The following GPC5 variants were observed in gnomAD, a reference collection of about 807,000 sequenced individuals.
The protein encoded by GPC5 is glypican 5, also known as glypican-5.
In GPC5, 47 loss-of-function variants were observed where a neutral mutation model predicts 53.9. The ratio of observed to expected loss-of-function variants is 0.87; its 90% CI spans 0.69 to 1.11. The LOEUF (loss-of-function observed/expected upper bound fraction) is 1.11. Among genes scored for constraint, GPC5 ranks in the 50% most tolerant of loss-of-function variants. GPC5 has a pLI of 0.00. For synonymous variants in GPC5, 286 were observed against 263.3 expected (o/e 1.09, Z -0.84); for missense variants, 748 against 713.1 (o/e 1.05, Z -0.56).
chr13:92,639,997 T>TCTCACTCTCC (rs1240092640), intron 7 of GPC5, among the ~76,000 whole-genome samples: 1 of 151,704 alleles, frequency 6.6e-6, no homozygotes, highest in African/African-American at 2.4e-5. Flanking sequence ...TCTCACTCTC[T>TCTCACTCTCC]CTCACTCTCC....
intron 7 of GPC5, among the ~76,000 whole-genome samples, chr13:92,404,541 A>G (rs1467920441): frequency 6.6e-6 from 1 of 152,254 alleles, no homozygotes; most frequent in Non-Finnish European, 1.5e-5. Context: ...TATTCATACA[A>G]TAAAATTTTA....
Position 91,636,883 on chromosome 13 carries a change from A to G in GPC5, c.326-56304A>G, listed in dbSNP as rs140462803. 3.0e-3 allele frequency among the ~76,000 whole-genome samples: 452 copies of G among 152,270 alleles called. 2 individuals are homozygous for G. Among genetic ancestry groups the G allele is most frequent in the Middle Eastern group, 0.017 (5 of 294 alleles). On this transcript the variant is annotated intron_variant, in intron 2 of 7. Coordinates refer to ENST00000377067, the MANE Select transcript of GPC5 (RefSeq NM_004466.6). ...TGAGATAGGAGCATTGCTCGAGTCC[A>G]GGCATTTGAGGCTGTAGTGAGCTAT...
At chr13:91,729,715 T>C (rs1311244856) in intron 4 of GPC5, among the ~76,000 whole-genome samples, 1 of 152,198 alleles carries the variant, frequency 6.6e-6, no homozygotes, top group Non-Finnish European at 1.5e-5. Flanking sequence ...ACACCTACAA[T>C]GATCAGCAAT....
intron 6 of GPC5, among the ~76,000 whole-genome samples, chr13:92,004,131 T>C (rs1241393876): frequency 6.6e-6 from 1 of 152,086 alleles, no homozygotes; most frequent in African/African-American, 2.4e-5. Flanking sequence ...CCCAAAGTGT[T>C]TATTCTTCTT....
At chr13:91,525,227 T>A (rs1035761937) in intron 2 of GPC5, among the ~76,000 whole-genome samples, 1 of 152,208 alleles carries the variant, frequency 6.6e-6, no homozygotes, top group Non-Finnish European at 1.5e-5. Context: ...ATTAGTAGTC[T>A]GTTAGTGAAA....
At chr13:92,751,767 A>ACTT (rs1406123573) in intron 7 of GPC5, among the ~76,000 whole-genome samples, 4 of 112,514 alleles carry the variant, frequency 3.6e-5, no homozygotes. Context: ...AAATAAAAAC[A>ACTT]CTTCAATACT....
At chr13:91,807,083 A>C (rs1245809248) in intron 5 of GPC5, among the ~76,000 whole-genome samples, 1 of 152,124 alleles carries the variant, frequency 6.6e-6, no homozygotes, top group East Asian at 1.9e-4. Flanking sequence ...GATTCACTAA[A>C]GTTTATTAAG....
chr13:91,725,165 C>T (rs2036550764), intron 3 of GPC5: 1 of 152,144 alleles, frequency 6.6e-6, no homozygotes, highest in Non-Finnish European at 1.5e-5. Flanking sequence ...AGAGTCATTT[C>T]AAGGTGAGAT....
chr13:92,866,457 G>A lies in GPC5; in HGVS notation c.*18G>A. The A allele has an allele frequency of 6.4e-7, 1 of 1,559,500 alleles. No homozygotes were observed. The highest frequency in any genetic ancestry group is 8.7e-7 in the Non-Finnish European group (1 of 1,146,724). On this transcript the variant is annotated 3_prime_UTR_variant, in exon 8 of 8. Coordinates refer to ENST00000377067, the MANE Select transcript of GPC5 (RefSeq NM_004466.6). ...TTTGGTAACTGAACTCTTCTGTCCT[G>A]ACATACCTTACTGAAGTCTCGATTT...
At chr13:92,451,811 C>A in intron 7 of GPC5, among the ~76,000 whole-genome samples, 1 of 152,208 alleles carries the variant, frequency 6.6e-6, no homozygotes, top group African/African-American at 2.4e-5. Flanking sequence ...TCAGAAGAAA[C>A]GAAATGTACA....
chr13:92,327,670 C>A lies in GPC5; in HGVS notation c.1561+182681C>A, dbSNP rs142825373. ...TCTTTAGCACCATCATTCGTGTTAT[C>A]ACTGTGAATCACTGACATAATTGTA... On this transcript the variant is annotated intron_variant, in intron 7 of 7. Coordinates refer to ENST00000377067, the MANE Select transcript of GPC5 (RefSeq NM_004466.6). 1.6e-4 allele frequency among the ~76,000 whole-genome samples: 24 copies of A among 152,272 alleles called. No individual in the cohort carries two copies. In the South Asian group the frequency reaches 4.8e-3, roughly 30 times the overall value.
At chr13:91,448,683 G>T in intron 1 of GPC5, 78 bp from the exon 2 acceptor site, 1 of 1,460,342 alleles carries the variant, frequency 6.8e-7, no homozygotes, top group Non-Finnish European at 9.3e-7. Context: ...TGCAGGACTG[G>T]TCATAACGCC....
At chr13:92,214,689 C>T (rs74107112) in intron 7 of GPC5, among the ~76,000 whole-genome samples, 2,780 of 152,266 alleles carry the variant, frequency 0.018, 77 homozygotes, top group African/African-American at 0.063. Context: ...AATAATGACT[C>T]CCTTAATCCC....
chr13:92,267,825 A>G (rs1363214468), intron 7 of GPC5, among the ~76,000 whole-genome samples: 1 of 152,094 alleles, frequency 6.6e-6, no homozygotes, highest in African/African-American at 2.4e-5. Flanking sequence ...AAATTAAAAT[A>G]TTTACTATCT....
chr13:91,676,732 T>G (rs1030061572), intron 2 of GPC5, among the ~76,000 whole-genome samples: 1 of 152,226 alleles, frequency 6.6e-6, no homozygotes, highest in Non-Finnish European at 1.5e-5. Flanking sequence ...TGGAGGCTTT[T>G]GAAAACACTG....
chr13:91,490,048 T>C (rs1883853029), intron 2 of GPC5, among the ~76,000 whole-genome samples: 1 of 152,196 alleles, frequency 6.6e-6, no homozygotes, highest in Admixed American at 6.5e-5. Context: ...TTTAGTTAAA[T>C]GCCACGTAAT....
At chr13:91,866,964 A>C (rs9560876) in intron 5 of GPC5, among the ~76,000 whole-genome samples, 40,091 of 152,090 alleles carry the variant, frequency 0.26, 6,700 homozygotes, top group African/African-American at 0.47. Flanking sequence ...GCCTGTAATC[A>C]CAGCACTTTG....
intron 7 of GPC5, among the ~76,000 whole-genome samples, chr13:92,426,834 T>C (rs1379686167): frequency 6.6e-6 from 1 of 151,936 alleles, no homozygotes; most frequent in Non-Finnish European, 1.5e-5. Context: ...GTTATAAACA[T>C]GTAAAAGTGC....
At chr13:92,710,817 C>A (rs772984852) in intron 7 of GPC5, among the ~76,000 whole-genome samples, 37 of 152,130 alleles carry the variant, frequency 2.4e-4, no homozygotes, top group Non-Finnish European at 5.0e-4. Flanking sequence ...ATAAGAAATC[C>A]TTTAAATATT....
Sources: gnomAD v4.1 joint callset for allele counts (sites outside exome capture counted in the v4.1 genomes callset) on GRCh38, gnomAD v4.1.1 for gene constraint, MANE v1.5 for transcripts, NCBI Gene and HGNC (gene_info 2026-07-23, HGNC 2026-07-21) for gene names.